The following SMIM14 variants were observed in gnomAD, a reference collection of about 807,000 sequenced individuals.
SMIM14 encodes the protein small integral membrane protein 14.
In SMIM14, 5 loss-of-function variants were observed where a neutral mutation model predicts 12.6. That is an observed-to-expected ratio of 0.40 (90% CI 0.21 to 0.83). The LOEUF (loss-of-function observed/expected upper bound fraction) is 0.83. Among genes scored for constraint, SMIM14 ranks in the 40% least tolerant of loss-of-function variants. SMIM14 has a pLI of 0.37. For missense variants in SMIM14, 86 were observed against 119.1 expected (o/e 0.72, Z 1.29); for synonymous variants, 30 against 40.1 (o/e 0.75, Z 0.95).
At chr4:39,586,832 T>A (rs1237715244) in intron 2 of SMIM14, among the ~76,000 whole-genome samples, 1 of 152,062 alleles carries the variant, frequency 6.6e-6, no homozygotes, top group Non-Finnish European at 1.5e-5. Context: ...AACATTTATT[T>A]CTGACAACTA....
At chr4:39,618,628 C>T (rs1018801805) in intron 1 of SMIM14, among the ~76,000 whole-genome samples, 5 of 126,000 alleles carry the variant, frequency 4.0e-5, no homozygotes, top group East Asian at 4.7e-4. Flanking sequence ...CCAGCCTGGG[C>T]GACAGAGCGA....
intron 1 of SMIM14, among the ~76,000 whole-genome samples, chr4:39,627,593 A>C (rs1229101144): frequency 6.6e-6 from 1 of 152,250 alleles, no homozygotes. Context: ...AAAAAGTTTT[A>C]AAACTTGGGG....
At chr4:39,629,469 CAG>C (rs1400955381) in intron 1 of SMIM14, among the ~76,000 whole-genome samples, 2 of 126,462 alleles carry the variant, frequency 1.6e-5, no homozygotes, top group South Asian at 2.6e-4. Context: ...TTTTTGGAGA[CAG>C]GGTCTCTATT....
intron 3 of SMIM14, among the ~76,000 whole-genome samples, chr4:39,569,668 C>T (rs1578319855): frequency 6.6e-6 from 1 of 151,568 alleles, no homozygotes; most frequent in African/African-American, 2.4e-5. Flanking sequence ...ACCTGGGTGG[C>T]GGAGGTTGCA....
At chr4:39,582,945 A>G (rs1321972711) in intron 2 of SMIM14, among the ~76,000 whole-genome samples, 1 of 151,920 alleles carries the variant, frequency 6.6e-6, no homozygotes, top group African/African-American at 2.4e-5. Context: ...GGCACCCACC[A>G]TCACACCCGG....
chr4:39,590,876 C>T (rs949575130), intron 2 of SMIM14, among the ~76,000 whole-genome samples: 3 of 151,562 alleles, frequency 2.0e-5, no homozygotes, highest in African/African-American at 4.9e-5. Flanking sequence ...TTATATGTAA[C>T]ATGATGAAGA....
intron 2 of SMIM14, among the ~76,000 whole-genome samples, chr4:39,579,329 G>C (rs1157367508): frequency 1.3e-5 from 2 of 149,876 alleles, no homozygotes; most frequent in Non-Finnish European, 3.0e-5. Flanking sequence ...AGAACTGCTT[G>C]AGCCCAGGAT....
rs140517192 is a variant in SMIM14 at position 39,551,894 on chromosome 4, C to T, written c.*232G>A. ...GGACAACCAAAAAAGCCCCATGTAA[C>T]TTTTTAAAAATATAATCATTCACTC... On this transcript the variant is annotated 3_prime_UTR_variant, in exon 5 of 5. Transcript: ENST00000295958. 549 of 346,616 alleles carry T rather than the reference C, an allele frequency of 1.6e-3. 3 individuals are homozygous for T. The highest frequency in any genetic ancestry group is 0.011 in the African/African-American group (507 of 46,954). 21.5% of individuals were successfully genotyped at this position (346,616 alleles called of 1,614,324 possible).
chr4:39,588,801 T>C (rs1327206463), intron 2 of SMIM14, among the ~76,000 whole-genome samples: 1 of 151,652 alleles, frequency 6.6e-6, no homozygotes, highest in African/African-American at 2.4e-5. Context: ...AAAACACATA[T>C]TCATATATTA....
intron 3 of SMIM14, among the ~76,000 whole-genome samples, chr4:39,568,903 G>T (rs750839802): frequency 6.6e-6 from 1 of 152,152 alleles, no homozygotes; most frequent in African/African-American, 2.4e-5. Context: ...TTGCCAATAT[G>T]CCTAAATGAA....
At chr4:39,556,815 T>A (rs907938901) in intron 3 of SMIM14, among the ~76,000 whole-genome samples, 3 of 152,080 alleles carry the variant, frequency 2.0e-5, no homozygotes, top group Non-Finnish European at 2.9e-5. Flanking sequence ...TGAGACAGGG[T>A]CTTGCTCTAT....
intron 2 of SMIM14, among the ~76,000 whole-genome samples, chr4:39,583,779 T>C (rs572714588): frequency 2.0e-5 from 3 of 152,296 alleles, no homozygotes; most frequent in South Asian, 4.1e-4. Flanking sequence ...TTGCTCTTTC[T>C]GCCACACTTA....
At chr4:39,613,111 C>A (rs1489168383) in intron 1 of SMIM14, among the ~76,000 whole-genome samples, 2 of 152,072 alleles carry the variant, frequency 1.3e-5, no homozygotes, top group Non-Finnish European at 2.9e-5. Context: ...GACTCCACCA[C>A]CACCCCTAAA....
intron 3 of SMIM14, among the ~76,000 whole-genome samples, chr4:39,568,662 A>G (rs1043054678): frequency 9.2e-5 from 14 of 152,228 alleles, no homozygotes; most frequent in African/African-American, 3.1e-4. Flanking sequence ...ACTTTTTCCA[A>G]TTGAATAGTA....
intron 1 of SMIM14, among the ~76,000 whole-genome samples, chr4:39,617,655 C>T (rs1452647354): frequency 6.6e-6 from 1 of 152,166 alleles, no homozygotes; most frequent in Non-Finnish European, 1.5e-5. Context: ...CAGGCCCTAT[C>T]ATGGATACTT....
chr4:39,587,966 A>C (rs1418150698), intron 2 of SMIM14: 1 of 152,374 alleles, frequency 6.6e-6, no homozygotes, highest in Non-Finnish European at 1.5e-5. Flanking sequence ...TCTATGAGGA[A>C]GCCAAGCAGC....
intron 1 of SMIM14, among the ~76,000 whole-genome samples, chr4:39,606,723 C>T (rs1319289664): frequency 6.6e-6 from 1 of 151,752 alleles, no homozygotes; most frequent in East Asian, 1.9e-4. Flanking sequence ...ATGAGATGAG[C>T]CCTATCACTG....
intron 2 of SMIM14, among the ~76,000 whole-genome samples, chr4:39,598,614 A>G (rs1485591837): frequency 1.3e-5 from 2 of 152,230 alleles, no homozygotes; most frequent in Non-Finnish European, 2.9e-5. Flanking sequence ...GTTATCAATT[A>G]TAACTACATA....
chr4:39,609,656 AAAGG>A (rs1324840482), intron 1 of SMIM14, among the ~76,000 whole-genome samples: 1 of 152,222 alleles, frequency 6.6e-6, no homozygotes, highest in Non-Finnish European at 1.5e-5. Flanking sequence ...GTCATGCCAC[AAAGG>A]GTCTTTCCGG....
Sources: allele counts gnomAD v4.1 joint callset (sites outside exome capture counted in the v4.1 genomes callset), GRCh38; gene constraint gnomAD v4.1.1; transcripts MANE v1.5; gene names NCBI Gene and HGNC (gene_info 2026-07-23, HGNC 2026-07-21).